Variants in CTU2 observed in about 807,000 individuals in gnomAD.
The protein encoded by CTU2 is cytosolic thiouridylase subunit 2.
Under a neutral mutation model 64.1 loss-of-function variants are expected in CTU2, and 80 were observed. The observed-to-expected ratio is 1.25, with a 90% confidence interval of 1.04 to 1.50. The LOEUF (loss-of-function observed/expected upper bound fraction) is 1.50, where lower values mean the gene tolerates loss of function less well. Among genes scored for constraint, CTU2 ranks in the 40% most tolerant of loss-of-function variants. The pLI, the probability that CTU2 is intolerant of heterozygous loss-of-function variation, is 0.00. For missense variants in CTU2, 1,110 were observed against 690.2 expected, an observed-to-expected ratio of 1.61 and a Z score of -6.81; for synonymous variants, 482 against 285.3, an observed-to-expected ratio of 1.69 and a Z score of -6.95.
In CTU2 at chr16:88,711,757, C is replaced by G. The variant is rs1911340692; in HGVS notation, c.343+62C>G. ...CTTGGGGTAAGCCCTGCGGATCCTC[C>G]CTCTGGTGTGGACCCTCCCTCTGGT... On this transcript the variant is annotated intron_variant, in intron 5 of 14. Coordinates refer to ENST00000453996, the MANE Select transcript of CTU2 (RefSeq NM_001012759.3). The G allele has an allele frequency of 2.0e-6, 3 of 1,489,968 alleles. No individual in the cohort carries two copies. The South Asian group carries it at 3.6e-5, about 18-fold the overall frequency. The allele number at this position is 1,489,968 out of a possible 1,614,324, so 92.3% of individuals were successfully genotyped here.
At position 88,713,992 on chromosome 16, in the gene CTU2, C is replaced by T. The variant is rs1030973570; in HGVS notation, c.1006-144C>T. ...AGTGGGTGCACTGCTGAAGCGGGTTCTCTGGCTGCCTTGAGCAGTCGCAGC... is the reference window on the plus strand; with the variant it reads ...AGTGGGTGCACTGCTGAAGCGGGTTTTCTGGCTGCCTTGAGCAGTCGCAGC... On this transcript the variant is annotated intron_variant, in intron 9 of 14. Transcript: ENST00000453996. The T allele has an allele frequency of 4.8e-6, 5 of 1,035,430 alleles. No homozygotes were observed. The African/African-American group carries it at 7.9e-5, about 16-fold the overall frequency. The allele number at this position is 1,035,430 out of a possible 1,614,324, so 64.1% of individuals were successfully genotyped here. A position where few individuals can be genotyped will look rare whatever the true frequency, so the allele number is the denominator to read the frequency against.
intron 1 of CTU2, 98 bp from the exon 2 acceptor site, chr16:88,707,038 A>G (rs1330521577): frequency 2.3e-5 from 29 of 1,245,666 alleles, no homozygotes; most frequent in Non-Finnish European, 3.1e-5. Context: ...CTCTGACCCA[A>G]CTCAGGGTGA....
chr16:88,707,070 A>ACT (rs1910918696), intron 1 of CTU2, 66 bp from the exon 2 acceptor site: 1 of 1,508,994 alleles, frequency 6.6e-7, no homozygotes, highest in Admixed American at 1.7e-5. Flanking sequence ...TGTCTCCCCA[A>ACT]AGCCCACTAG....
rs376307383 is a variant in CTU2, at chr16:88,712,390, G to C, written c.453+7G>C. The C allele has an allele frequency of 1.3e-6, 2 of 1,593,472 alleles. No homozygotes were observed. Among genetic ancestry groups the C allele is most frequent in the Non-Finnish European group, 1.7e-6 (2 of 1,167,772 alleles). ...TGTGGTGGCCTTAGAGGAGGTGGGA[G>C]GGCTGTCCCTGGAAAGGGGTCCCGG... On this transcript the variant is annotated splice_region_variant and intron_variant, in intron 6 of 14. Transcript: ENST00000453996.
intron 11 of CTU2, 31 bp downstream of exon 11, chr16:88,714,517 G>A: frequency 1.9e-6 from 3 of 1,612,482 alleles, no homozygotes; most frequent in Non-Finnish European, 2.5e-6. Context: ...GGGTGATGCG[G>A]GGAGGGAGCC....
At chr16:88,710,460 T>C in intron 4 of CTU2, 178 bp downstream of exon 4, 1 of 619,958 alleles carries the variant, frequency 1.6e-6, no homozygotes, top group Non-Finnish European at 2.8e-6. Context: ...AGGAGCTGAG[T>C]CCACAGTGTG....
chr16:88,714,285 TGTGC>T, intron 10 of CTU2, 58 bp downstream of exon 10: 2 of 1,477,000 alleles, frequency 1.4e-6, no homozygotes, highest in Non-Finnish European at 1.9e-6. Flanking sequence ...TGCGCGGGTG[TGTGC>T]GGGTGGTGAG....
intron 2 of CTU2, among the ~76,000 whole-genome samples, chr16:88,708,286 G>A (rs1310773109): frequency 6.6e-6 from 1 of 152,172 alleles, no homozygotes; most frequent in Non-Finnish European, 1.5e-5. Flanking sequence ...CGGCTCTCTA[G>A]GGGAAGGCCT....
rs775124734 is a variant in CTU2, at chr16:88,711,695, G to A, written c.343G>A (p.Glu115Lys). The A allele has an allele frequency of 3.1e-6, 5 of 1,607,922 alleles. No individual in the cohort carries two copies. The highest frequency in any genetic ancestry group is 1.1e-5 in the South Asian group (1 of 90,158). Residue 115 changes from glutamate (E) to lysine (K), a missense_variant and splice_region_variant, in exon 5 of 15, where the codon GAG becomes AAG. Transcript: ENST00000453996. The part of the protein sequence containing the change: ...RFVAGVIFVD[E>K]GAACGQSLEE... Reference sequence around the variant, plus strand: ...TGTGGCAGGAGTCATCTTTGTTGACGGTATGTGGGGCCATTGCTCCTCCTA... The same window carrying A: ...TGTGGCAGGAGTCATCTTTGTTGACAGTATGTGGGGCCATTGCTCCTCCTA...
chr16:88,708,407 G>T (rs1000143981), intron 2 of CTU2, among the ~76,000 whole-genome samples: 2 of 151,988 alleles, frequency 1.3e-5, no homozygotes, highest in Non-Finnish European at 2.9e-5. Flanking sequence ...GAGCCCAGAC[G>T]CAGCATGTAC....
intron 9 of CTU2, 50 bp downstream of exon 9, chr16:88,713,828 G>C (rs747204816): frequency 6.2e-7 from 1 of 1,607,570 alleles, no homozygotes; most frequent in Admixed American, 1.7e-5. Flanking sequence ...ACCGGGGTGG[G>C]CCATGTGGGC....
In CTU2 at chr16:88,712,356, C is replaced by A; in HGVS notation, c.426C>A (p.Phe142Leu). ...EVKPILQATG[F>L]PWHVVALEEV... The stretch of plus-strand genomic sequence containing the variant: ...AGCCCATTCTGCAAGCAACTGGGTT[C>A]CCATGGCATGTGGTGGCCTTAGAGG... The change falls in exon 6 of 15, where the codon TTC becomes TTA. Residue 142 changes from phenylalanine to leucine, a missense_variant. Transcript: ENST00000453996. 6.2e-7 allele frequency: 1 copy of A among 1,610,016 alleles called. No homozygotes were observed. Among genetic ancestry groups the A allele is most frequent in the Non-Finnish European group, 8.5e-7 (1 of 1,178,106 alleles).
chr16:88,708,803 A>G (rs898306650), intron 2 of CTU2, among the ~76,000 whole-genome samples: 12 of 152,082 alleles, frequency 7.9e-5, no homozygotes, highest in African/African-American at 2.7e-4. Flanking sequence ...TCCGCTCTGT[A>G]CCGGGTGCTG....
At chr16:88,713,612 C>G (rs1193076724) in intron 8 of CTU2, 35 bp from the exon 9 acceptor site, 7 of 1,601,358 alleles carry the variant, frequency 4.4e-6, no homozygotes, top group Non-Finnish European at 6.0e-6. Flanking sequence ...ACATTCGGGC[C>G]TTGACCTGGA....
rs923539838 is a variant in CTU2 at position 88,715,312 on chromosome 16, C to A, written c.*61C>A. ...GCCACCTGGTACACCACACTGGAGC[C>A]GGAAGGCAAGGACGGGGGACTGGCC... On this transcript the variant is annotated 3_prime_UTR_variant, in exon 15 of 15. Transcript: ENST00000453996. The A allele has an allele frequency of 5.1e-6, 8 of 1,558,998 alleles. No homozygotes were observed. In the African/African-American group the frequency reaches 5.4e-5, roughly 11 times the overall value.
At chr16:88,708,175 G>T (rs996922452) in intron 2 of CTU2, among the ~76,000 whole-genome samples, 5 of 152,194 alleles carry the variant, frequency 3.3e-5, no homozygotes, top group African/African-American at 1.2e-4. Context: ...CCAGGCTGCC[G>T]GCAGAATTCA....
At chr16:88,706,882 C>G (rs1171271338) in intron 1 of CTU2, 3 of 558,980 alleles carry the variant, frequency 5.4e-6, no homozygotes, top group African/African-American at 3.7e-5. Flanking sequence ...CTCGCCTCCC[C>G]GTGTCAGCCT....
At chr16:88,714,519 G>T (rs773305962) in intron 11 of CTU2, 33 bp downstream of exon 11, 2 of 1,612,474 alleles carry the variant, frequency 1.2e-6, no homozygotes, top group Non-Finnish European at 1.7e-6. Context: ...GTGATGCGGG[G>T]AGGGAGCCAG....
intron 6 of CTU2, 87 bp from the exon 7 acceptor site, chr16:88,712,535 G>T: frequency 6.5e-7 from 1 of 1,532,936 alleles, no homozygotes. Context: ...CCTCACTGCC[G>T]TCTCCCGCAT....
Sources: gnomAD v4.1 joint callset for allele counts (sites outside exome capture counted in the v4.1 genomes callset) on GRCh38, gnomAD v4.1.1 for gene constraint, MANE v1.5 for transcripts, NCBI Gene and HGNC (gene_info 2026-07-23, HGNC 2026-07-21) for gene names.